The following PHACTR1 variants were observed in gnomAD, a reference collection of about 807,000 sequenced individuals.
PHACTR1 encodes the protein RPEL repeat containing 1.
In PHACTR1, 16 loss-of-function variants were observed where a neutral mutation model predicts 69.2. The observed-to-expected ratio is 0.23, with a 90% CI of 0.16 to 0.35. PHACTR1 has a LOEUF of 0.35. Ranked by LOEUF, PHACTR1 falls within the 10% of genes least tolerant of loss-of-function variation. The probability of loss-of-function intolerance (pLI) is 1.00; values close to 1 mark genes in which losing one functional copy is unlikely to be tolerated. For synonymous variants in PHACTR1, 312 were observed against 284.5 expected, an observed-to-expected ratio of 1.10 and a Z score of -0.97; for missense variants, 510 against 734.7, an observed-to-expected ratio of 0.69 and a Z score of 3.54.
chr6:13,019,973 A>G (rs973181032), intron 4 of PHACTR1, among the ~76,000 whole-genome samples: 1 of 152,194 alleles, frequency 6.6e-6, no homozygotes. Flanking sequence ...ATGATGTTCA[A>G]TGTGGTACTG....
chr6:13,135,728 C>G (rs3897237), intron 5 of PHACTR1, among the ~76,000 whole-genome samples: 2 of 152,008 alleles, frequency 1.3e-5, no homozygotes, highest in Non-Finnish European at 2.9e-5. Flanking sequence ...TTAATTAAAA[C>G]GTATTTTAGG....
At chr6:12,899,612 T>G (rs551273663) in intron 4 of PHACTR1, among the ~76,000 whole-genome samples, 64 of 152,330 alleles carry the variant, frequency 4.2e-4, no homozygotes, top group Non-Finnish European at 6.5e-4. Context: ...CTGGAGTCAC[T>G]GTGTGTTTGC....
chr6:12,961,872 A>G (rs1792781071), intron 4 of PHACTR1, among the ~76,000 whole-genome samples: 1 of 152,084 alleles, frequency 6.6e-6, no homozygotes, highest in African/African-American at 2.4e-5. Context: ...ATCCTCCCAC[A>G]TAGTTGTCCC....
At chr6:12,749,547 C>T (rs747163541) in intron 3 of PHACTR1, 97 bp from the exon 4 acceptor site, 20 of 423,284 alleles carry the variant, frequency 4.7e-5, no homozygotes, top group Non-Finnish European at 6.1e-5. Flanking sequence ...TCTCCCCTCC[C>T]CCTTCCCCTC....
At chr6:13,253,730 G>A (rs987631840) in intron 10 of PHACTR1, among the ~76,000 whole-genome samples, 9 of 152,200 alleles carry the variant, frequency 5.9e-5, no homozygotes, top group Non-Finnish European at 1.2e-4. Context: ...GGGCATGTTC[G>A]GTGGGTGTAT....
chr6:13,186,298 T>G (rs1364033351), intron 7 of PHACTR1, among the ~76,000 whole-genome samples: 1 of 152,238 alleles, frequency 6.6e-6, no homozygotes, highest in Non-Finnish European at 1.5e-5. Flanking sequence ...TACGTATTGT[T>G]TTGTCACCTG....
Position 12,901,193 on chromosome 6 carries a change from AT to A in PHACTR1, c.250+151405del, listed in dbSNP as rs534364050. Among the ~76,000 whole-genome samples, 122 of 152,268 alleles carry A rather than the reference AT, an allele frequency of 8.0e-4. 1 individual carries two copies. The highest frequency in any genetic ancestry group is 5.2e-3 in the South Asian group (25 of 4,822). On this transcript the variant is annotated intron_variant, in intron 4 of 14. Transcript: ENST00000332995. ...CCTGTTGGGCTACTGGAGAATAAGG[AT>A]TCTCTTTTCTGCTTCTAACAGTGAT...
At chr6:12,717,063 C>A (rs1037120075) in intron 1 of PHACTR1, among the ~76,000 whole-genome samples, 167 bp downstream of exon 1, 1 of 152,122 alleles carries the variant, frequency 6.6e-6, no homozygotes, top group Non-Finnish European at 1.5e-5. Context: ...AAGCTTCTTC[C>A]AGTGACTGAT....
intron 5 of PHACTR1, among the ~76,000 whole-genome samples, chr6:13,112,299 T>G (rs1052846829): frequency 6.6e-6 from 1 of 152,224 alleles, no homozygotes; most frequent in Non-Finnish European, 1.5e-5. Flanking sequence ...TTAGGTTGAT[T>G]CCATGTCTTT....
intron 4 of PHACTR1, among the ~76,000 whole-genome samples, chr6:12,991,216 A>T (rs1290572904): frequency 1.3e-5 from 2 of 152,108 alleles, no homozygotes; most frequent in East Asian, 3.9e-4. Flanking sequence ...GCTGACCAGG[A>T]TGCCATTTCT....
intron 4 of PHACTR1, among the ~76,000 whole-genome samples, chr6:12,796,309 G>A (rs1356702786): frequency 6.6e-6 from 1 of 152,090 alleles, no homozygotes; most frequent in African/African-American, 2.4e-5. Flanking sequence ...TTTCTCCCAG[G>A]GCATGCTACT....
intron 4 of PHACTR1, among the ~76,000 whole-genome samples, chr6:12,897,557 C>T (rs1224471419): frequency 3.9e-5 from 6 of 152,124 alleles, no homozygotes; most frequent in Admixed American, 6.6e-5. Context: ...ACACAGACTT[C>T]GCCTAATTTA....
At chr6:12,733,947 G>A (rs186887833) in intron 3 of PHACTR1, among the ~76,000 whole-genome samples, 38 of 152,278 alleles carry the variant, frequency 2.5e-4, no homozygotes, top group Non-Finnish European at 3.7e-4. Flanking sequence ...AACGAGGAAC[G>A]CTCAACATTC....
At chr6:13,281,418 G>T (rs1484241299) in intron 12 of PHACTR1, 1 of 310,190 alleles carries the variant, frequency 3.2e-6, no homozygotes, top group Non-Finnish European at 6.4e-6. Context: ...GCCGGACAAG[G>T]TGGCGCATAC....
At chr6:13,175,848 C>G (rs887514866) in intron 6 of PHACTR1, among the ~76,000 whole-genome samples, 6 of 152,128 alleles carry the variant, frequency 3.9e-5, no homozygotes, top group Admixed American at 2.6e-4. Flanking sequence ...CTGGCAAAAG[C>G]TGGGCTGGAG....
intron 5 of PHACTR1, among the ~76,000 whole-genome samples, chr6:13,143,004 A>C (rs1822739874): frequency 6.6e-6 from 1 of 152,312 alleles, no homozygotes; most frequent in South Asian, 2.1e-4. Flanking sequence ...AGATAATATA[A>C]AAAGAGGAAA....
At chr6:13,078,219 G>A (rs1050485717) in intron 5 of PHACTR1, among the ~76,000 whole-genome samples, 7 of 152,118 alleles carry the variant, frequency 4.6e-5, no homozygotes, top group Non-Finnish European at 1.0e-4. Flanking sequence ...CCTAGCTTCT[G>A]GTGGTTTGCT....
At chr6:13,218,856 GA>G (rs1334921940) in intron 8 of PHACTR1, among the ~76,000 whole-genome samples, 28 of 4,132 alleles carry the variant, frequency 6.8e-3, no homozygotes, top group Non-Finnish European at 5.2e-3. Flanking sequence ...GAGGAGGAAA[GA>G]GAAGAGAAGA....
In PHACTR1 at chr6:12,753,213, T is replaced by C. The variant is rs150885542; in HGVS notation, c.250+3423T>C. Among the ~76,000 whole-genome samples the C allele has an allele frequency of 4.5e-3, 687 of 152,346 alleles. 4 individuals carry two copies. The highest frequency in any genetic ancestry group is 0.024 in the Middle Eastern group (7 of 294). ...ATGAACCCATCACTGACATTTATCT[T>C]GTAAGAGTGCAGCCTGCCTTATGAG... On this transcript the variant is annotated intron_variant, in intron 4 of 14. Transcript: ENST00000332995.
Sources: allele counts gnomAD v4.1 joint callset (sites outside exome capture counted in the v4.1 genomes callset), GRCh38; gene constraint gnomAD v4.1.1; transcripts MANE v1.5; gene names NCBI Gene and HGNC (gene_info 2026-07-23, HGNC 2026-07-21).